The following MTF1 variants were observed in gnomAD, a reference collection of about 807,000 sequenced individuals.
The protein encoded by MTF1 is metal regulatory transcription factor 1.
A neutral mutation model predicts 70.4 loss-of-function variants in MTF1; 22 were observed. The observed-to-expected ratio is 0.31, with a 90% CI of 0.22 to 0.45. The LOEUF (loss-of-function observed/expected upper bound fraction) is 0.45. Among genes scored for constraint, MTF1 ranks in the 20% least tolerant of loss-of-function variants. The pLI is 1.00. For missense variants in MTF1, 649 were observed against 922.0 expected (o/e 0.70, Z 3.83); for synonymous variants, 333 against 352.8 (o/e 0.94, Z 0.63).
At position 37,815,355 on chromosome 1, in the gene MTF1, G is replaced by A. The variant is rs148019370; in HGVS notation, c.2043C>T (p.Ala681=). The A allele has an allele frequency of 4.3e-6, 7 of 1,614,132 alleles. No homozygotes were observed. In the African/African-American group the frequency reaches 9.3e-5, roughly 22 times the overall value. Reference sequence around the variant, plus strand: ...TAGAGGATGATGACCCGGGAACAGGGGCTGAAGAGAAAGTCTGCGCTGGGA... The same window carrying A: ...TAGAGGATGATGACCCGGGAACAGGAGCTGAAGAGAAAGTCTGCGCTGGGA... ...LQLPAQTFSS[A]PVPGSSSSTL... The change falls in exon 11 of 11, where the codon GCC becomes GCT. Residue 681 remains alanine, a synonymous_variant. Coordinates refer to ENST00000373036, the MANE Select transcript of MTF1 (RefSeq NM_005955.3). This position sits in a 1 kb window ranked among gnomAD's most constrained non-coding sequence, Gnocchi z 4.5.
chr1:37,852,989 C>T (rs564610988), intron 2 of MTF1, among the ~76,000 whole-genome samples: 8 of 152,220 alleles, frequency 5.3e-5, no homozygotes, highest in Non-Finnish European at 8.8e-5. Context: ...TCCAATAACA[C>T]GTACGAAGTT....
At chr1:37,857,100 C>G (rs1641509652) in intron 2 of MTF1, 151 bp downstream of exon 2, 1 of 695,658 alleles carries the variant, frequency 1.4e-6, no homozygotes, top group African/African-American at 1.8e-5. Context: ...GAAGCAATCA[C>G]AACAAAACCT....
intron 9 of MTF1, among the ~76,000 whole-genome samples, chr1:37,821,316 C>G (rs751233952): frequency 6.6e-5 from 10 of 151,962 alleles, no homozygotes; most frequent in Non-Finnish European, 1.5e-4. Context: ...TGCAGATCCT[C>G]AATTTTAAAA....
chr1:37,838,581 A>G, intron 4 of MTF1, 44 bp downstream of exon 4: 5 of 1,564,268 alleles, frequency 3.2e-6, no homozygotes, highest in Non-Finnish European at 3.5e-6. Context: ...CAAGACCCCC[A>G]GCTGAAACCT....
chr1:37,828,113 T>TA (rs1221548998), intron 7 of MTF1: 33 of 378,296 alleles, frequency 8.7e-5, no homozygotes, highest in African/African-American at 6.5e-4. Flanking sequence ...TTCTTAAACA[T>TA]AATGTTATGA....
At chr1:37,830,502 G>C (rs1192979257) in intron 7 of MTF1, among the ~76,000 whole-genome samples, 1 of 151,776 alleles carries the variant, frequency 6.6e-6, no homozygotes, top group African/African-American at 2.4e-5. Flanking sequence ...AAAAATCCTT[G>C]TCGCATAAAA....
At position 37,811,311 on chromosome 1, in the gene MTF1, T is replaced by C. The variant is rs1355814194; in HGVS notation, c.*3825A>G. 1.3e-5 allele frequency: 2 copies of C among 152,676 alleles called. No homozygotes were observed. Among genetic ancestry groups the C allele is most frequent in the East Asian group, 1.9e-4 (1 of 5,194 alleles). The allele number at this position is 152,676 out of a possible 1,614,324, so 9.5% of individuals were successfully genotyped here. A position where few individuals can be genotyped will look rare whatever the true frequency, so the allele number is the denominator to read the frequency against. The stretch of plus-strand genomic sequence containing the variant: ...CGGTTGCTGAGAATGCATAATAGTG[T>C]TTCCCTATGGACAGTCTCACAGCAC... On this transcript the variant is annotated 3_prime_UTR_variant, in exon 11 of 11. Transcript: ENST00000373036.
At chr1:37,852,806 T>C (rs1641436781) in intron 2 of MTF1, among the ~76,000 whole-genome samples, 1 of 152,058 alleles carries the variant, frequency 6.6e-6, no homozygotes, top group African/African-American at 2.4e-5. Context: ...AATTTTTGTA[T>C]TTTTAGTAGA....
At position 37,835,841 on chromosome 1, in the gene MTF1, C is replaced by G. The variant is rs562608510; in HGVS notation, c.780-97G>C. 2.8e-6 allele frequency: 3 copies of G among 1,058,606 alleles called. No individual in the cohort carries two copies. In the South Asian group the frequency reaches 4.0e-5, roughly 14 times the overall value. 65.6% of individuals were successfully genotyped at this position (1,058,606 alleles called of 1,614,324 possible). On this transcript the variant is annotated intron_variant, in intron 4 of 10. Coordinates refer to ENST00000373036, the MANE Select transcript of MTF1 (RefSeq NM_005955.3). ...TTTGAGATCGAGTCTCGCTCTGTCC[C>G]CAAGGCTGGAGTGCAGTGGCGCAAT...
chr1:37,858,483 C>G (rs537290177), intron 1 of MTF1: 1 of 152,146 alleles, frequency 6.6e-6, no homozygotes, highest in Non-Finnish European at 1.5e-5. Context: ...TTCCTTCCCC[C>G]CTACCTAGAA....
chr1:37,839,900 G>A lies in MTF1; in HGVS notation c.647+20C>T. On this transcript the variant is annotated intron_variant, in intron 3 of 10. Coordinates refer to ENST00000373036, the MANE Select transcript of MTF1 (RefSeq NM_005955.3). ...AAGGTCAAGGTCAGAGGCTGGCAGAGCATTGGAGACGAGACTGACCTGTAC... is the reference window on the plus strand; with the variant it reads ...AAGGTCAAGGTCAGAGGCTGGCAGAACATTGGAGACGAGACTGACCTGTAC... 2 of 1,585,750 alleles carry A rather than the reference G, an allele frequency of 1.3e-6. No individual in the cohort carries two copies. Among genetic ancestry groups the A allele is most frequent in the Non-Finnish European group, 1.7e-6 (2 of 1,154,498 alleles).
At position 37,823,636 on chromosome 1, in the gene MTF1, A is replaced by G. The variant is rs745808468; in HGVS notation, c.1171+74T>C. Reference sequence around the variant, plus strand: ...GCTCACTTCATTTACGCTAACTAGAATGATTCATTGTGCCTGTGACTCAGT... The same window carrying G: ...GCTCACTTCATTTACGCTAACTAGAGTGATTCATTGTGCCTGTGACTCAGT... On this transcript the variant is annotated intron_variant, in intron 8 of 10. Coordinates refer to ENST00000373036, the MANE Select transcript of MTF1 (RefSeq NM_005955.3). 913 of 1,147,854 alleles carry G rather than the reference A, an allele frequency of 8.0e-4. 1 individual carries two copies. Among genetic ancestry groups the G allele is most frequent in the Non-Finnish European group, 8.0e-4 (615 of 766,634 alleles). The allele number at this position is 1,147,854 out of a possible 1,614,324, so 71.1% of individuals were successfully genotyped here.
rs776072878 is a variant in MTF1 at position 37,810,545 on chromosome 1, T to C, written c.*4591A>G. 6.6e-6 allele frequency: 1 copy of C among 152,212 alleles called. No homozygotes were observed. Among genetic ancestry groups the C allele is most frequent in the Non-Finnish European group, 1.5e-5 (1 of 68,044 alleles). The allele number at this position is 152,212 out of a possible 1,614,324, so 9.4% of individuals were successfully genotyped here. On this transcript the variant is annotated 3_prime_UTR_variant, in exon 11 of 11. Transcript: ENST00000373036. ...GGGCATCAGAAGAAATACAGGACTG[T>C]TTCCCTCTCTCCCTAAAAAACATGC...
chr1:37,810,396 T>C lies in MTF1; in HGVS notation c.*4740A>G, dbSNP rs1323966744. 1.3e-5 allele frequency: 2 copies of C among 152,262 alleles called. No individual in the cohort carries two copies. Among genetic ancestry groups the C allele is most frequent in the African/African-American group, 2.4e-5 (1 of 41,450 alleles). The allele number at this position is 152,262 out of a possible 1,614,324, so 9.4% of individuals were successfully genotyped here. A position where few individuals can be genotyped will look rare whatever the true frequency, so the allele number is the denominator to read the frequency against. Reference sequence around the variant, plus strand: ...TAAACCTCAATTCCAGTAAAAAAGCTTGTACTATGTACACATTGACATAAA... The same window carrying C: ...TAAACCTCAATTCCAGTAAAAAAGCCTGTACTATGTACACATTGACATAAA... On this transcript the variant is annotated 3_prime_UTR_variant, in exon 11 of 11. Coordinates refer to ENST00000373036, the MANE Select transcript of MTF1 (RefSeq NM_005955.3).
intron 2 of MTF1, among the ~76,000 whole-genome samples, chr1:37,855,377 C>T (rs1641474944): frequency 6.6e-6 from 1 of 152,082 alleles, no homozygotes. Context: ...ATGAAACACT[C>T]TGCTCTTGTT....
chr1:37,855,829 G>A (rs987602711), intron 2 of MTF1, among the ~76,000 whole-genome samples: 3 of 151,830 alleles, frequency 2.0e-5, no homozygotes, highest in Non-Finnish European at 2.9e-5. Flanking sequence ...ATGGTGGTGC[G>A]TGCCTGTAAT....
intron 4 of MTF1, 137 bp from the exon 5 acceptor site, chr1:37,835,881 A>C (rs2148411581): frequency 1.5e-6 from 1 of 654,316 alleles, no homozygotes; most frequent in East Asian, 3.1e-5. Flanking sequence ...GCTCACTGCA[A>C]GCTCCACCTC....
rs78526275 is a variant in MTF1, at chr1:37,813,278, A to T, written c.*1858T>A. On this transcript the variant is annotated 3_prime_UTR_variant, in exon 11 of 11. Transcript: ENST00000373036. The stretch of plus-strand genomic sequence containing the variant: ...GGCAACAAAAGCAAAACTCTGTCTC[A>T]AAAAAAAAAAGAAGTCAATTATTCT... 1 of 134,214 alleles carries T rather than the reference A, an allele frequency of 7.5e-6. No homozygotes were observed. The highest frequency in any genetic ancestry group is 2.3e-4 in the South Asian group (1 of 4,380). The allele number at this position is 134,214 out of a possible 1,614,324, so 8.3% of individuals were successfully genotyped here.
rs146925908 is a variant in MTF1 at position 37,855,523 on chromosome 1, G to A, written c.408+1728C>T. 1.5e-3 allele frequency among the ~76,000 whole-genome samples: 227 copies of A among 152,298 alleles called. 2 individuals carry two copies. Among genetic ancestry groups the A allele is most frequent in the African/African-American group, 5.1e-3 (213 of 41,562 alleles). ...AGGAAAAGTGATATGCCATCAATAA[G>A]CCATATGCAATTTTAAGACCTCAAC... On this transcript the variant is annotated intron_variant, in intron 2 of 10. Coordinates refer to ENST00000373036, the MANE Select transcript of MTF1 (RefSeq NM_005955.3).
Sources: allele counts gnomAD v4.1 joint callset (sites outside exome capture counted in the v4.1 genomes callset), GRCh38; gene constraint gnomAD v4.1.1; non-coding constraint Gnocchi (gnomAD v3.1); transcripts MANE v1.5; gene names NCBI Gene and HGNC (gene_info 2026-07-23, HGNC 2026-07-21).